The following CIBAR1 variants were observed in gnomAD, a reference collection of about 807,000 sequenced individuals.
CIBAR1 encodes CBY1 interacting BAR domain containing 1, also known as CBY1-interacting BAR domain-containing protein 1.
CIBAR1 carries 25 observed loss-of-function variants against 44.0 expected under a neutral mutation model. The observed-to-expected ratio is 0.57, with a 90% CI of 0.41 to 0.79. The LOEUF is 0.79. Among genes scored for constraint, CIBAR1 ranks in the 30% least tolerant of loss-of-function variants. The pLI is 0.00. For missense variants in CIBAR1, 278 were observed against 344.8 expected (o/e 0.81, Z 1.53); for synonymous variants, 115 against 119.0 (o/e 0.97, Z 0.22).
intron 8 of CIBAR1, among the ~76,000 whole-genome samples, chr8:93,726,943 C>T (rs757680218): frequency 1.4e-4 from 22 of 152,016 alleles, no homozygotes; most frequent in African/African-American, 2.4e-5. Flanking sequence ...TTTTCTATAT[C>T]CAGAAAGCTT....
chr8:93,724,007 G>A (rs1811374110), intron 7 of CIBAR1, among the ~76,000 whole-genome samples: 1 of 152,158 alleles, frequency 6.6e-6, no homozygotes, highest in Non-Finnish European at 1.5e-5. Context: ...TGAAGCAGGA[G>A]GATTGCTTGC....
At chr8:93,712,801 A>G (rs1810875823) in intron 6 of CIBAR1, among the ~76,000 whole-genome samples, 1 of 130,880 alleles carries the variant, frequency 7.6e-6, no homozygotes, top group Non-Finnish European at 1.6e-5. Flanking sequence ...ACATTCCATG[A>G]TGATGCTTTT....
intron 7 of CIBAR1, among the ~76,000 whole-genome samples, chr8:93,724,009 A>G (rs745773942): frequency 6.6e-6 from 1 of 152,172 alleles, no homozygotes; most frequent in African/African-American, 2.4e-5. Context: ...AAGCAGGAGG[A>G]TTGCTTGCGG....
chr8:93,728,142 C>T, intron 8 of CIBAR1, 63 bp from the exon 9 acceptor site: 1 of 1,025,820 alleles, frequency 9.7e-7, no homozygotes, highest in Non-Finnish European at 1.4e-6. Flanking sequence ...AAAAATATAC[C>T]AAGAATGTAA....
At chr8:93,711,544 G>A (rs1264614695) in intron 6 of CIBAR1, among the ~76,000 whole-genome samples, 1 of 152,140 alleles carries the variant, frequency 6.6e-6, no homozygotes, top group East Asian at 1.9e-4. Flanking sequence ...CCTTTACCAA[G>A]CTAGGAGAGT....
At position 93,726,416 on chromosome 8, in the gene CIBAR1, C is replaced by T. The variant is rs747177259; in HGVS notation, c.680C>T (p.Ala227Val). 1 of 1,613,112 alleles carries T rather than the reference C, an allele frequency of 6.2e-7. No individual in the cohort carries two copies. The highest frequency in any genetic ancestry group is 1.1e-5 in the South Asian group (1 of 91,040). ...TAGGTTTTCCGAAATTCTCTGTATG[C>T]ACCAGATTATTCATCTCGTTTAGAT... ...DLEVFRNSLY[A>V]PDYSSRLDIV... Residue 227 changes from alanine (A) to valine (V), a missense_variant, in exon 8 of 9, where the codon GCA becomes GTA. By Grantham distance (64) the Ala-to-Val change is moderately conservative. Around this residue, in one of 3 missense-constraint regions of CIBAR1, gnomAD observed 93 missense variants for 108.9 expected, o/e 0.85. Transcript: ENST00000518322.
chr8:93,701,383 G>A lies in CIBAR1; in HGVS notation c.186G>A (p.Glu62=), dbSNP rs576586780. 3.3e-5 allele frequency: 54 copies of A among 1,613,720 alleles called. 1 individual carries two copies. Among genetic ancestry groups the A allele is most frequent in the Non-Finnish European group, 4.3e-5 (51 of 1,179,890 alleles). Reference sequence around the variant, plus strand: ...AAATTAACGCGTATGCTGCTACAGAGACCCCGCATTTAAAGCTGGGCCTGA... The same window carrying A: ...AAATTAACGCGTATGCTGCTACAGAAACCCCGCATTTAAAGCTGGGCCTGA... The part of the protein sequence containing the change: ...VNEINAYAAT[E]TPHLKLGLMN... Residue 62 remains glutamate (E), a synonymous_variant, in exon 2 of 9, where the codon GAG becomes GAA. Coordinates refer to ENST00000518322, the MANE Select transcript of CIBAR1 (RefSeq NM_145269.5).
intron 3 of CIBAR1, 27 bp downstream of exon 3, chr8:93,703,715 C>A: frequency 6.6e-7 from 1 of 1,516,270 alleles, no homozygotes; most frequent in Non-Finnish European, 8.9e-7. Context: ...TCTCACTTAA[C>A]TGTGAGTTAC....
chr8:93,709,750 G>T (rs1272110006), intron 5 of CIBAR1, 21 bp from the exon 6 acceptor site: 3 of 1,597,836 alleles, frequency 1.9e-6, no homozygotes, highest in South Asian at 1.1e-5. Flanking sequence ...TTATATCCTT[G>T]GTTGGGGAAT....
At chr8:93,718,924 T>C (rs1811138021) in intron 7 of CIBAR1, 136 bp downstream of exon 7, 1 of 464,236 alleles carries the variant, frequency 2.2e-6, no homozygotes, top group Non-Finnish European at 3.7e-6. Context: ...AGTGCAGTAG[T>C]GTGATCTCAG....
rs1332192505 is a variant in CIBAR1 at position 93,729,153 on chromosome 8, G to A, written c.*856G>A. The A allele has an allele frequency of 6.6e-6, 1 of 151,908 alleles. No homozygotes were observed. The highest frequency in any genetic ancestry group is 2.4e-5 in the African/African-American group (1 of 41,358). The allele number at this position is 151,908 out of a possible 1,614,324, so 9.4% of individuals were successfully genotyped here. The stretch of plus-strand genomic sequence containing the variant: ...AATACTTTTATTTCATGGATCCCAG[G>A]CAGGCATATAAAAGTTACGGAATTT... On this transcript the variant is annotated 3_prime_UTR_variant, in exon 9 of 9. Transcript: ENST00000518322.
intron 2 of CIBAR1, among the ~76,000 whole-genome samples, chr8:93,702,735 A>C (rs1810413391): frequency 6.6e-6 from 1 of 152,308 alleles, no homozygotes; most frequent in Middle Eastern, 3.4e-3. Context: ...ACATTCATAT[A>C]CATTTCATTT....
chr8:93,706,749 G>A (rs1231721326), intron 4 of CIBAR1, among the ~76,000 whole-genome samples: 3 of 152,210 alleles, frequency 2.0e-5, no homozygotes. Context: ...AGGTGAGTCA[G>A]TGTGCTCACT....
intron 7 of CIBAR1, among the ~76,000 whole-genome samples, chr8:93,721,839 T>G (rs1811276953): frequency 6.6e-6 from 1 of 151,576 alleles, no homozygotes; most frequent in Non-Finnish European, 1.5e-5. Context: ...AAAAAAGTGT[T>G]GTGTGTGATG....
Position 93,708,179 on chromosome 8 carries a change from A to G in CIBAR1, c.438+163A>G, listed in dbSNP as rs545565353. Among the ~76,000 whole-genome samples, 8 of 152,336 alleles carry G rather than the reference A, an allele frequency of 5.3e-5. No individual in the cohort carries two copies. The South Asian group carries it at 1.7e-3, about 32-fold the overall frequency. On this transcript the variant is annotated intron_variant, in intron 5 of 8. Transcript: ENST00000518322. ...ATGCAAACTTTTTCTATGATTAATTATTAAATGATGATATATGTGACTTTT... is the reference window on the plus strand; with the variant it reads ...ATGCAAACTTTTTCTATGATTAATTGTTAAATGATGATATATGTGACTTTT...
chr8:93,726,563 T>C (rs771996056), intron 8 of CIBAR1, 50 bp downstream of exon 8: 78 of 1,597,264 alleles, frequency 4.9e-5, no homozygotes, highest in East Asian at 1.6e-4. Context: ...GCCTTTGGAA[T>C]TGTTGAGTTC....
At position 93,728,769 on chromosome 8, in the gene CIBAR1, A is replaced by C. The variant is rs1046258993; in HGVS notation, c.*472A>C. 6.6e-6 allele frequency: 1 copy of C among 152,096 alleles called. No homozygotes were observed. The highest frequency in any genetic ancestry group is 1.5e-5 in the Non-Finnish European group (1 of 67,976). 9.4% of individuals were successfully genotyped at this position (152,096 alleles called of 1,614,324 possible). On this transcript the variant is annotated 3_prime_UTR_variant, in exon 9 of 9. Transcript: ENST00000518322. ...ACTTTCCCTGAAACTTTATCATTTG[A>C]TAAGTAAATTTACTTTTCAAGAAGA... is the stretch of plus-strand genomic sequence containing the variant.
chr8:93,707,034 A>C (rs1810619480), intron 4 of CIBAR1, among the ~76,000 whole-genome samples: 1 of 152,186 alleles, frequency 6.6e-6, no homozygotes, highest in African/African-American at 2.4e-5. Context: ...GTGACTCCTG[A>C]ACAAGCTTCC....
At chr8:93,725,675 T>C (rs1419198794) in intron 7 of CIBAR1, among the ~76,000 whole-genome samples, 1 of 152,056 alleles carries the variant, frequency 6.6e-6, no homozygotes, top group Non-Finnish European at 1.5e-5. Flanking sequence ...CAAAAGCTTT[T>C]GTTGGTTGGG....
Sources: allele counts gnomAD v4.1 joint callset (sites outside exome capture counted in the v4.1 genomes callset), GRCh38; gene constraint gnomAD v4.1.1; regional missense constraint gnomAD v4.1.1; transcripts MANE v1.5; gene names NCBI Gene and HGNC (gene_info 2026-07-23, HGNC 2026-07-21).